The following NCALD variants were observed in gnomAD, a reference collection of about 807,000 sequenced individuals.
NCALD encodes neurocalcin delta, also known as neurocalcin-delta.
Under a neutral mutation model 18.6 loss-of-function variants are expected in NCALD, and 10 were observed. The ratio of observed to expected loss-of-function variants is 0.54; its 90% CI spans 0.33 to 0.91. NCALD has a LOEUF of 0.91. NCALD is among the 40% of genes least tolerant of loss of function. NCALD has a pLI of 0.03. For synonymous variants in NCALD, 88 were observed against 87.4 expected (o/e 1.01, Z -0.04); for missense variants, 184 against 247.6 (o/e 0.74, Z 1.72).
At chr8:101,838,796 C>T (rs1044283422) in intron 4 of NCALD, among the ~76,000 whole-genome samples, 2 of 152,202 alleles carry the variant, frequency 1.3e-5, no homozygotes, top group Non-Finnish European at 2.9e-5. Flanking sequence ...TTTCAGGGCA[C>T]TTTCATAGGA....
chr8:101,718,501 G>A (rs1042291269), intron 2 of NCALD, among the ~76,000 whole-genome samples: 1 of 152,162 alleles, frequency 6.6e-6, no homozygotes, highest in African/African-American at 2.4e-5. Flanking sequence ...TTAGCAGGGA[G>A]TGTTGATTTC....
intron 4 of NCALD, among the ~76,000 whole-genome samples, chr8:101,811,113 C>A (rs569910759): frequency 4.3e-4 from 65 of 152,280 alleles, no homozygotes; most frequent in African/African-American, 1.4e-3. Flanking sequence ...ACCTGCCCCC[C>A]ATGTGTCCTG....
chr8:102,093,795 C>A (rs908765524), intron 1 of NCALD, among the ~76,000 whole-genome samples: 13 of 152,182 alleles, frequency 8.5e-5, no homozygotes, highest in Admixed American at 7.9e-4. Context: ...ATAAAACACA[C>A]CCTTGTGCTT....
At chr8:102,057,342 CTTAA>C (rs1261345318) in intron 1 of NCALD, among the ~76,000 whole-genome samples, 1 of 151,878 alleles carries the variant, frequency 6.6e-6, no homozygotes, top group Non-Finnish European at 1.5e-5. Context: ...GTATCTCTTT[CTTAA>C]TTAGTTATAA....
At chr8:101,918,260 G>GT (rs1232951616) in intron 2 of NCALD, among the ~76,000 whole-genome samples, 1 of 151,928 alleles carries the variant, frequency 6.6e-6, no homozygotes, top group Non-Finnish European at 1.5e-5. Context: ...AACACAAAAA[G>GT]TTTTTGATAA....
chr8:101,749,025 T>C (rs1177627579), intron 1 of NCALD, among the ~76,000 whole-genome samples: 2 of 152,240 alleles, frequency 1.3e-5, no homozygotes, highest in African/African-American at 4.8e-5. Context: ...GTTTTCCATA[T>C]GTAATTGTGC....
chr8:101,705,224 A>AAAATAAATAAAT (rs548716899), intron 2 of NCALD, among the ~76,000 whole-genome samples: 5 of 151,550 alleles, frequency 3.3e-5, no homozygotes, highest in African/African-American at 1.2e-4. Flanking sequence ...ACTTCATCTC[A>AAAATAAATAAAT]AAATAAATAA....
chr8:101,787,282 C>CCCAAGGCAAGTGTTCT (rs1812263990), intron 1 of NCALD, among the ~76,000 whole-genome samples: 1 of 152,152 alleles, frequency 6.6e-6, no homozygotes. Flanking sequence ...ACTCAAAGCT[C>CCCAAGGCAAGTGTTCT]CCAAGGCAAG....
chr8:101,692,046 G>C (rs1430246800), intron 3 of NCALD: 1 of 975,326 alleles, frequency 1.0e-6, no homozygotes, highest in Non-Finnish European at 1.2e-6. Context: ...AACAGCAAGT[G>C]ACTTTTTTAG....
At chr8:101,906,893 A>G (rs528828506) in intron 3 of NCALD, among the ~76,000 whole-genome samples, 1 of 152,336 alleles carries the variant, frequency 6.6e-6, no homozygotes, top group African/African-American at 2.4e-5. Context: ...AATCTACATA[A>G]GTAATATTTT....
chr8:102,092,990 A>T (rs1290544083), intron 1 of NCALD, among the ~76,000 whole-genome samples: 1 of 152,094 alleles, frequency 6.6e-6, no homozygotes, highest in Non-Finnish European at 1.5e-5. Flanking sequence ...AGCTTTGCAC[A>T]TTGCCAGATA....
intron 3 of NCALD, among the ~76,000 whole-genome samples, chr8:101,899,728 T>TCC (rs1487667536): frequency 2.6e-4 from 35 of 132,906 alleles, no homozygotes; most frequent in African/African-American, 1.2e-3. Context: ...AGAATAAATA[T>TCC]ATGGTTATGG....
At chr8:101,800,475 T>C (rs1812797962) in intron 4 of NCALD, among the ~76,000 whole-genome samples, 1 of 151,778 alleles carries the variant, frequency 6.6e-6, no homozygotes, top group African/African-American at 2.4e-5. Context: ...AAAAGAGCAA[T>C]AAATAATAAT....
At chr8:101,883,159 G>T (rs1370432030) in intron 4 of NCALD, among the ~76,000 whole-genome samples, 1 of 152,124 alleles carries the variant, frequency 6.6e-6, no homozygotes, top group East Asian at 1.9e-4. Flanking sequence ...ACTGCTTAAG[G>T]CCATGAGTTC....
chr8:101,730,456 G>C (rs1351455334), intron 1 of NCALD, among the ~76,000 whole-genome samples: 1 of 120,878 alleles, frequency 8.3e-6, no homozygotes, highest in Non-Finnish European at 1.6e-5. Context: ...CTCCAGCCTG[G>C]GCAACAGAGC....
At chr8:101,954,404 T>G (rs1375432556) in intron 2 of NCALD, among the ~76,000 whole-genome samples, 1 of 152,162 alleles carries the variant, frequency 6.6e-6, no homozygotes, top group African/African-American at 2.4e-5. Flanking sequence ...CCCTGACCTC[T>G]CCTGGCTTCC....
intron 4 of NCALD, among the ~76,000 whole-genome samples, chr8:101,818,355 C>A (rs150225919): frequency 2.0e-5 from 3 of 152,276 alleles, no homozygotes; most frequent in African/African-American, 7.2e-5. Flanking sequence ...TTGATCTTCA[C>A]GCTAGCCCCT....
chr8:101,732,793 G>A (rs931375710), intron 1 of NCALD, among the ~76,000 whole-genome samples: 5 of 151,654 alleles, frequency 3.3e-5, no homozygotes, highest in African/African-American at 7.3e-5. Context: ...CAGTAGAGAC[G>A]GGTTTTTGGC....
intron 4 of NCALD, among the ~76,000 whole-genome samples, chr8:101,854,939 A>G (rs894409473): frequency 6.6e-6 from 1 of 152,174 alleles, no homozygotes; most frequent in East Asian, 1.9e-4. Context: ...GTGTTGGTCC[A>G]ACTGGGGAAG....
Sources: allele counts gnomAD v4.1 joint callset (sites outside exome capture counted in the v4.1 genomes callset), GRCh38; gene constraint gnomAD v4.1.1; transcripts MANE v1.5; gene names NCBI Gene and HGNC (gene_info 2026-07-23, HGNC 2026-07-21).